SEC31A: variants seen among roughly 807,000 people sequenced by gnomAD.
The protein encoded by SEC31A is SEC31 homolog A, COPII component.
A neutral mutation model predicts 151.0 loss-of-function variants in SEC31A; 70 were observed. The ratio of observed to expected loss-of-function variants is 0.46; its 90% CI spans 0.38 to 0.57. The LOEUF (loss-of-function observed/expected upper bound fraction) is 0.57. Among genes scored for constraint, SEC31A ranks in the 20% least tolerant of loss-of-function variants. SEC31A has a pLI of 0.00. For synonymous variants in SEC31A, 475 were observed against 505.9 expected, an observed-to-expected ratio of 0.94 and a Z score of 0.82; for missense variants, 1,330 against 1,471.2, an observed-to-expected ratio of 0.90 and a Z score of 1.57.
rs1331139151 is a variant in SEC31A at position 82,867,146 on chromosome 4, T to C, written c.1044+9A>G. On this transcript the variant is annotated intron_variant, in intron 9 of 26. Transcript: ENST00000395310. ...CATTATAATAGAAAACTTTAACACT[T>C]CCTATTACCTTGTCAACTTGTTTCT... is the stretch of plus-strand genomic sequence containing the variant. 6.2e-7 allele frequency: 1 copy of C among 1,610,484 alleles called. No homozygotes were observed.
chr4:82,888,076 C>CAAAA (rs533268343), intron 1 of SEC31A, among the ~76,000 whole-genome samples: 78 of 129,360 alleles, frequency 6.0e-4, no homozygotes, highest in African/African-American at 2.1e-3. Context: ...CAAACAACAA[C>CAAAA]AAAAAAAACA....
At chr4:82,846,188 A>G (rs1261129654) in intron 20 of SEC31A, among the ~76,000 whole-genome samples, 1 of 151,704 alleles carries the variant, frequency 6.6e-6, no homozygotes, top group Non-Finnish European at 1.5e-5. Context: ...TATTTTTAGT[A>G]GAGACGGGGT....
intron 19 of SEC31A, among the ~76,000 whole-genome samples, chr4:82,849,188 T>TG (rs934290659): frequency 2.0e-5 from 3 of 152,228 alleles, no homozygotes; most frequent in African/African-American, 7.2e-5. Context: ...GTGCAACTTG[T>TG]AATTTAACTG....
intron 24 of SEC31A, among the ~76,000 whole-genome samples, chr4:82,825,287 C>T (rs941613464): frequency 4.6e-5 from 7 of 152,218 alleles, no homozygotes; most frequent in East Asian, 1.9e-4. Flanking sequence ...GAACTGGCTA[C>T]GTACTACTGG....
At position 82,864,443 on chromosome 4, in the gene SEC31A, T is replaced by A. The variant is rs1578292709; in HGVS notation, c.1353A>T (p.Ser451=). The A allele has an allele frequency of 6.2e-7, 1 of 1,614,114 alleles. No individual in the cohort carries two copies. Among genetic ancestry groups the A allele is most frequent in the African/African-American group, 1.3e-5 (1 of 74,936 alleles). Residue 451 remains serine (S), a synonymous_variant, in exon 11 of 27, where the codon TCA becomes TCT. Transcript: ENST00000395310. ...RSDQLQQAVQ[S]QGFINYCQKK... ...TTTGGCAATAATTGATAAATCCTTG[T>A]GACTGCACAGCCTGCTGAAGTTGGT... is the stretch of plus-strand genomic sequence containing the variant.
At chr4:82,864,093 G>C (rs1424871335) in intron 11 of SEC31A, among the ~76,000 whole-genome samples, 1 of 151,526 alleles carries the variant, frequency 6.6e-6, no homozygotes, top group African/African-American at 2.4e-5. Context: ...TAGGTGTGCT[G>C]ACTATGTCGC....
At chr4:82,896,364 C>T (rs976929321) in intron 3 of SEC31A, among the ~76,000 whole-genome samples, 1 of 152,112 alleles carries the variant, frequency 6.6e-6, no homozygotes, top group East Asian at 1.9e-4. Flanking sequence ...GTTACAGGTG[C>T]GTGCCACCAT....
At chr4:82,888,931 G>A (rs1036424593) in intron 1 of SEC31A, among the ~76,000 whole-genome samples, 2 of 152,158 alleles carry the variant, frequency 1.3e-5, no homozygotes, top group Admixed American at 1.3e-4. Flanking sequence ...CAGAAAGCAA[G>A]TAAAAAGTTA....
At chr4:82,887,665 G>T (rs889954531) in intron 1 of SEC31A, among the ~76,000 whole-genome samples, 1 of 152,264 alleles carries the variant, frequency 6.6e-6, no homozygotes, top group African/African-American at 2.4e-5. Context: ...ATTACTCAGA[G>T]TGGTTAGAAC....
At chr4:82,868,929 G>A (rs1174513932) in intron 8 of SEC31A, among the ~76,000 whole-genome samples, 2 of 151,952 alleles carry the variant, frequency 1.3e-5, no homozygotes, top group East Asian at 1.9e-4. Context: ...TGAGATTACA[G>A]GTCTGAGCCA....
intron 24 of SEC31A, among the ~76,000 whole-genome samples, chr4:82,825,566 T>C (rs914540657): frequency 6.6e-6 from 1 of 152,018 alleles, no homozygotes. Context: ...AAAGGAAGGA[T>C]CACGGTAAAA....
chr4:82,872,012 T>C lies in SEC31A; in HGVS notation c.714A>G (p.Leu238=). The C allele has an allele frequency of 6.2e-7, 1 of 1,614,128 alleles. No individual in the cohort carries two copies. The change falls in exon 7 of 27, where the codon TTA becomes TTG. Residue 238 remains leucine, a synonymous_variant. Transcript: ENST00000395310. ...QMVLASEDDR[L]PVIQMWDLRF... ...GAAGATCCCACATCTGGATCACTGGTAACCGGTCATCCTCGGAGGCAAGGA... is the reference window on the plus strand; with the variant it reads ...GAAGATCCCACATCTGGATCACTGGCAACCGGTCATCCTCGGAGGCAAGGA...
chr4:82,846,683 T>G (rs564166737), intron 20 of SEC31A, among the ~76,000 whole-genome samples: 3 of 142,912 alleles, frequency 2.1e-5, no homozygotes, highest in African/African-American at 4.8e-5. Flanking sequence ...CTTAATTACA[T>G]TTTCTTTTTT....
At chr4:82,872,135 A>G (rs1736823302) in intron 6 of SEC31A, 49 bp from the exon 7 acceptor site, 1 of 1,362,686 alleles carries the variant, frequency 7.3e-7, no homozygotes, top group South Asian at 1.2e-5. Context: ...ACTTTATGAA[A>G]AGCCAAACTA....
chr4:82,822,460 C>T (rs537218987), intron 25 of SEC31A, among the ~76,000 whole-genome samples: 57 of 152,196 alleles, frequency 3.7e-4, no homozygotes, highest in African/African-American at 1.3e-3. Context: ...AGTCCTGACG[C>T]TGAAATGCTC....
At chr4:82,843,614 C>A (rs1729395080) in intron 21 of SEC31A, 2 of 151,960 alleles carry the variant, frequency 1.3e-5, no homozygotes, top group African/African-American at 4.8e-5. Context: ...TTATGTTGAA[C>A]AATAACATTC....
rs1292488776 is a variant in SEC31A at position 82,853,547 on chromosome 4, GC to G, written c.2154+22del. The G allele has an allele frequency of 2.0e-6, 3 of 1,538,344 alleles. No homozygotes were observed. The East Asian group carries it at 7.3e-5, about 37-fold the overall frequency. On this transcript the variant is annotated intron_variant, in intron 18 of 26. Transcript: ENST00000395310. ...TGAAAGACAACACTAAAAATTAAGT[GC>G]CTTTTGTTTCAAAGATACTACCTGA...
chr4:82,880,714 A>G, intron 3 of SEC31A, 85 bp downstream of exon 3: 1 of 1,183,982 alleles, frequency 8.4e-7, no homozygotes, highest in South Asian at 1.7e-5. Context: ...TGTAGTTTCT[A>G]ATAATGGCAT....
intron 22 of SEC31A, 92 bp from the exon 23 acceptor site, chr4:82,829,150 C>T: frequency 1.9e-6 from 2 of 1,051,156 alleles, no homozygotes; most frequent in East Asian, 2.4e-5. Flanking sequence ...AAAATTCTGC[C>T]TTAACCCTGA....
Sources: allele counts gnomAD v4.1 joint callset (sites outside exome capture counted in the v4.1 genomes callset), GRCh38; gene constraint gnomAD v4.1.1; transcripts MANE v1.5; gene names NCBI Gene and HGNC (gene_info 2026-07-23, HGNC 2026-07-21).